Variants in MGAT4B observed in about 807,000 individuals in gnomAD.
MGAT4B encodes N-acetylglucosaminyltransferase IVb.
Under a neutral mutation model 73.9 loss-of-function variants are expected in MGAT4B, and 38 were observed. That is an observed-to-expected ratio of 0.51 (90% confidence interval 0.40 to 0.67). MGAT4B has a LOEUF of 0.67. Among genes scored for constraint, MGAT4B ranks in the 30% least tolerant of loss-of-function variants. The probability of loss-of-function intolerance (pLI) is 0.00; values close to 1 mark genes in which losing one functional copy is unlikely to be tolerated. For missense variants in MGAT4B, 686 were observed against 735.2 expected, an observed-to-expected ratio of 0.93 and a Z score of 0.77; for synonymous variants, 373 against 313.5, an observed-to-expected ratio of 1.19 and a Z score of -2.01.
intron 9 of MGAT4B, 81 bp downstream of exon 9, chr5:179,799,425 G>GC (rs1190327189): frequency 1.2e-6 from 2 of 1,608,348 alleles, no homozygotes; most frequent in Non-Finnish European, 1.7e-6. Context: ...GTGAGCAGAT[G>GC]CAAGGACAGG....
chr5:179,800,779 C>T, intron 5 of MGAT4B, 128 bp downstream of exon 5: 3 of 1,144,338 alleles, frequency 2.6e-6, no homozygotes, highest in Non-Finnish European at 1.3e-6. Flanking sequence ...CCCACCCCTC[C>T]CCCACCAGGT....
intron 1 of MGAT4B, chr5:179,805,398 T>A (rs918207320): frequency 2.6e-5 from 4 of 152,458 alleles, no homozygotes; most frequent in Admixed American, 2.6e-4. Flanking sequence ...CCCTTGATAA[T>A]ATACCCCGCC....
rs1228396202 is a variant in MGAT4B, at chr5:179,806,827, G to C, written c.-244C>G. 1.3e-5 allele frequency: 2 copies of C among 150,248 alleles called. No homozygotes were observed. Among genetic ancestry groups the C allele is most frequent in the African/African-American group, 4.9e-5 (2 of 41,202 alleles). 9.3% of individuals were successfully genotyped at this position (150,248 alleles called of 1,614,324 possible). A position where few individuals can be genotyped will look rare whatever the true frequency, so the allele number is the denominator to read the frequency against. ...GAACAGGCTCAGAAGGGCAGAGGCA[G>C]GTATCAGGCTCACTGCAGATATCAG... On this transcript the variant is annotated 5_prime_UTR_variant, in exon 1 of 15. Transcript: ENST00000292591. This position sits in a 1 kb window ranked among gnomAD's most constrained non-coding sequence, Gnocchi z 4.6.
chr5:179,801,685 C>G lies in MGAT4B; in HGVS notation c.293G>C (p.Arg98Pro), dbSNP rs553039651. 6.2e-7 allele frequency: 1 copy of G among 1,608,618 alleles called. No individual in the cohort carries two copies. The highest frequency in any genetic ancestry group is 8.5e-7 in the Non-Finnish European group (1 of 1,178,760). ...GTGTGAGCCGTTCCACGGCTTCAAT[C>G]GGGGGTCCTCTGGGTGGGTCGGGAA... ...RTWGRLTEDP[R>P]LKPWNGSHRH... is the part of the protein sequence containing the mutation. Residue 98 changes from arginine (R) to proline (P), a missense_variant, in exon 3 of 15, where the codon CGA becomes CCA. By Grantham distance (103) the Arg-to-Pro change is moderately radical (BLOSUM62 -2). Around this residue, in one of 2 missense-constraint regions of MGAT4B, gnomAD observed 237 missense variants for 198.5 expected, o/e 1.19. Transcript: ENST00000292591. This position sits in a 1 kb window ranked among gnomAD's most constrained non-coding sequence, Gnocchi z 4.8.
rs1278965041 is a variant in MGAT4B at position 179,798,021 on chromosome 5, A to G, written c.*24T>C. On this transcript the variant is annotated 3_prime_UTR_variant, in exon 15 of 15. Transcript: ENST00000292591. The stretch of plus-strand genomic sequence containing the variant: ...AAATGTGGGCTTCAGGGCTGGCCAC[A>G]GGGTACCCTCAGAAGCCCGCAGCTT... 4 of 1,602,886 alleles carry G rather than the reference A, an allele frequency of 2.5e-6. No individual in the cohort carries two copies. Among genetic ancestry groups the G allele is most frequent in the Non-Finnish European group, 3.4e-6 (4 of 1,175,436 alleles).
chr5:179,800,941 A>T lies in MGAT4B; in HGVS notation c.571T>A (p.Tyr191Asn). ...ATGTTCTCTGTCACTGCCGAAGTGT[A>T]CTGTGAGTCAGTCTGTGGGGAGACC... The part of the protein sequence containing the change: ...VVLIAETDSQ[Y>N]TSAVTENIKA... Residue 191 changes from tyrosine to asparagine, a missense_variant, in exon 5 of 15, where the codon TAC becomes AAC. By Grantham distance (143) the Tyr-to-Asn change is moderately radical. Transcript: ENST00000292591. 6.2e-7 allele frequency: 1 copy of T among 1,613,748 alleles called. No homozygotes were observed. Among genetic ancestry groups the T allele is most frequent in the South Asian group, 1.1e-5 (1 of 91,064 alleles).
intron 1 of MGAT4B, chr5:179,803,720 T>C (rs1237215778): frequency 6.6e-6 from 1 of 152,482 alleles, no homozygotes; most frequent in African/African-American, 2.4e-5. Flanking sequence ...GCTTCCTTCC[T>C]AGGGGCCTCC....
intron 1 of MGAT4B, chr5:179,804,794 T>A (rs1757074403): frequency 6.6e-6 from 1 of 152,190 alleles, no homozygotes; most frequent in Admixed American, 6.5e-5. Flanking sequence ...AAGACAGATT[T>A]TCTACATGTG....
In MGAT4B at chr5:179,798,215, G is replaced by T. The variant is rs368430313; in HGVS notation, c.1573C>A (p.Leu525Met). Reference sequence around the variant, plus strand: ...GAGTCCGTCTGGATCGAGAGGCGCAGTGCTTCCAGAGGGCCGAAGGCTGGG... The same window carrying T: ...GAGTCCGTCTGGATCGAGAGGCGCATTGCTTCCAGAGGGCCGAAGGCTGGG... ...VDPAFGPLEA[L>M]RLSIQTDSPV... Residue 525 changes from leucine to methionine, a missense_variant, in exon 14 of 15, where the codon CTG (leucine) becomes ATG (methionine). This residue lies in a region of MGAT4B where 449 missense variants were observed against 536.8 expected (regional missense o/e 0.84). Transcript: ENST00000292591. 6.8e-5 allele frequency: 109 copies of T among 1,604,372 alleles called. No individual in the cohort carries two copies. Among genetic ancestry groups the T allele is most frequent in the Non-Finnish European group, 8.9e-5 (104 of 1,174,638 alleles).
At chr5:179,799,802 G>T in intron 8 of MGAT4B, 152 bp downstream of exon 8, 1 of 1,249,664 alleles carries the variant, frequency 8.0e-7, no homozygotes, top group Non-Finnish European at 1.1e-6. Flanking sequence ...CTGATGCACA[G>T]GCAATGAGAA....
intron 1 of MGAT4B, chr5:179,805,356 A>AC (rs1757101979): frequency 6.6e-6 from 1 of 152,228 alleles, no homozygotes; most frequent in Non-Finnish European, 1.5e-5. Flanking sequence ...GACACACCCT[A>AC]CCTACAGAGA....
intron 5 of MGAT4B, 67 bp downstream of exon 5, chr5:179,800,824 TCATGGGGAGGCAGGAA>T: frequency 6.8e-7 from 1 of 1,474,362 alleles, no homozygotes; most frequent in Non-Finnish European, 9.4e-7. Context: ...AGGCACTATC[TCATGGGGAGGCAGGAA>T]CCTGCCAGCA....
In MGAT4B at chr5:179,806,540, C is replaced by G; in HGVS notation, c.44G>C (p.Cys15Ser). 7.5e-7 allele frequency: 1 copy of G among 1,334,510 alleles called. No individual in the cohort carries two copies. The highest frequency in any genetic ancestry group is 1.4e-5 in the South Asian group (1 of 70,796). The allele number at this position is 1,334,510 out of a possible 1,614,324, so 82.7% of individuals were successfully genotyped here. A position where few individuals can be genotyped will look rare whatever the true frequency, so the allele number is the denominator to read the frequency against. The change falls in exon 1 of 15, where the codon TGC becomes TCC. Residue 15 changes from cysteine to serine, a missense_variant. Cys to Ser is a moderately radical substitution (Grantham distance 112). This residue lies in a region of MGAT4B where 237 missense variants were observed against 198.5 expected (regional missense o/e 1.19). Coordinates refer to ENST00000292591, the MANE Select transcript of MGAT4B (RefSeq NM_014275.5). The surrounding 1 kb of genome is among the most constrained non-coding windows in gnomAD (Gnocchi z 4.6). ...GGACAGCGAGAGGAAGGCGCACAGG[C>G]AGAAGAGCAGCAGCGTCAGGAAGGT... is the stretch of plus-strand genomic sequence containing the variant. ...NGTFLTLLLFCLCAFLSLSWY... is the reference protein window; with the variant it reads ...NGTFLTLLLFSLCAFLSLSWY...
rs148799128 is a variant in MGAT4B at position 179,806,545 on chromosome 5, G to A, written c.39C>T (p.Leu13=). ...LRNGTFLTLL[L]FCLCAFLSLS... is the part of the protein sequence containing the mutation. Reference sequence around the variant, plus strand: ...GCGAGAGGAAGGCGCACAGGCAGAAGAGCAGCAGCGTCAGGAAGGTGCCAT... The same window carrying A: ...GCGAGAGGAAGGCGCACAGGCAGAAAAGCAGCAGCGTCAGGAAGGTGCCAT... The change falls in exon 1 of 15, where the codon CTC becomes CTT. Residue 13 remains leucine (L), a synonymous_variant. Coordinates refer to ENST00000292591, the MANE Select transcript of MGAT4B (RefSeq NM_014275.5). This position sits in a 1 kb window ranked among gnomAD's most constrained non-coding sequence, Gnocchi z 4.6. 1.2e-4 allele frequency: 153 copies of A among 1,329,392 alleles called. No individual in the cohort carries two copies. The African/African-American group carries it at 2.0e-3, about 18-fold the overall frequency. 82.3% of individuals were successfully genotyped at this position (1,329,392 alleles called of 1,614,324 possible). A position where few individuals can be genotyped will look rare whatever the true frequency, so the allele number is the denominator to read the frequency against.
chr5:179,802,408 T>C, intron 1 of MGAT4B: 1 of 1,160,940 alleles, frequency 8.6e-7, no homozygotes, highest in African/African-American at 1.6e-5. Flanking sequence ...TTCACTGTCC[T>C]TGTAGCGGTC....
chr5:179,801,994 C>T lies in MGAT4B; in HGVS notation c.98-25G>A. 8 of 1,613,456 alleles carry T rather than the reference C, an allele frequency of 5.0e-6. No homozygotes were observed. The highest frequency in any genetic ancestry group is 1.1e-5 in the South Asian group (1 of 91,080). ...CCTGCAGGTGGTAGGCAAGCCGTCA[C>T]GAGGGGGCGGTCTAGAGCCACCCTA... is the stretch of plus-strand genomic sequence containing the variant. On this transcript the variant is annotated intron_variant, in intron 1 of 14. Transcript: ENST00000292591. The surrounding 1 kb of genome is among the most constrained non-coding windows in gnomAD (Gnocchi z 4.8).
In MGAT4B at chr5:179,801,079, G is replaced by T. The variant is rs972285102; in HGVS notation, c.559-126C>A. 1.8e-4 allele frequency: 235 copies of T among 1,305,446 alleles called. 1 individual carries two copies. Among genetic ancestry groups the T allele is most frequent in the Middle Eastern group, 4.7e-4 (2 of 4,218 alleles). 80.9% of individuals were successfully genotyped at this position (1,305,446 alleles called of 1,614,324 possible). A position where few individuals can be genotyped will look rare whatever the true frequency, so the allele number is the denominator to read the frequency against. ...AGGGAGTGAGCCTGCTGTGCTGAGGGCGGAGTAAGGGGGCCCCCAGAGACG... is the reference window on the plus strand; with the variant it reads ...AGGGAGTGAGCCTGCTGTGCTGAGGTCGGAGTAAGGGGGCCCCCAGAGACG... On this transcript the variant is annotated intron_variant, in intron 4 of 14. Coordinates refer to ENST00000292591, the MANE Select transcript of MGAT4B (RefSeq NM_014275.5). The surrounding 1 kb of genome is among the most constrained non-coding windows in gnomAD (Gnocchi z 4.8).
Position 179,798,047 on chromosome 5 carries a change from A to G in MGAT4B, c.1645T>C (p.Ter549GlnextTer5), listed in dbSNP as rs370070119. 6.2e-7 allele frequency: 1 copy of G among 1,608,898 alleles called. No homozygotes were observed. The highest frequency in any genetic ancestry group is 8.5e-7 in the Non-Finnish European group (1 of 1,178,346). Residue 549 changes from the stop codon to glutamine, a stop_lost, in exon 15 of 15, where the codon TAA (stop) becomes CAA (glutamine). Coordinates refer to ENST00000292591, the MANE Select transcript of MGAT4B (RefSeq NM_014275.5). ...LSEIFLKKAD[*>Q] ...GGGTACCCTCAGAAGCCCGCAGCTT[A>G]GTCGGCCTTTTTCAGGAAGATCTGG...
At position 179,801,964 on chromosome 5, in the gene MGAT4B, C is replaced by G. The variant is rs780560812; in HGVS notation, c.103G>C (p.Val35Leu). 8.1e-6 allele frequency: 13 copies of G among 1,613,284 alleles called. No individual in the cohort carries two copies. In the Admixed American group the frequency reaches 1.5e-4, roughly 19 times the overall value. ...AACTCCCGCTGGTAAACGTCCACAA[C>G]GTCGCCTGCAGGTGGTAGGCAAGCC... ...YAALSGQKGD[V>L]VDVYQREFLA... Residue 35 changes from valine to leucine, a missense_variant, in exon 2 of 15, where the codon GTT (valine) becomes CTT (leucine). By Grantham distance (32) the Val-to-Leu change is conservative. Coordinates refer to ENST00000292591, the MANE Select transcript of MGAT4B (RefSeq NM_014275.5). The surrounding 1 kb of genome is among the most constrained non-coding windows in gnomAD (Gnocchi z 4.8).
Sources: gnomAD v4.1 joint callset for allele counts on GRCh38, gnomAD v4.1.1 for gene constraint, gnomAD v4.1.1 regional missense constraint, Gnocchi (gnomAD v3.1) non-coding constraint, MANE v1.5 for transcripts, NCBI Gene and HGNC (gene_info 2026-07-23, HGNC 2026-07-21) for gene names.